The following ARHGAP15 variants were observed in gnomAD, a reference collection of about 807,000 sequenced individuals.
The protein encoded by ARHGAP15 is rho GTPase-activating protein 15.
Under a neutral mutation model 63.7 loss-of-function variants are expected in ARHGAP15, and 51 were observed. The observed-to-expected ratio is 0.80, with a 90% CI of 0.64 to 1.01. The LOEUF (loss-of-function observed/expected upper bound fraction) is 1.01, where lower values mean the gene tolerates loss of function less well. ARHGAP15 is among the 50% of genes least tolerant of loss of function. The pLI is 0.00. For missense variants in ARHGAP15, 560 were observed against 564.6 expected, an observed-to-expected ratio of 0.99 and a Z score of 0.08; for synonymous variants, 191 against 193.8, an observed-to-expected ratio of 0.99 and a Z score of 0.12.
chr2:143,309,870 G>GTA (rs575820690), intron 6 of ARHGAP15, among the ~76,000 whole-genome samples: 1 of 89,802 alleles, frequency 1.1e-5, no homozygotes, highest in Non-Finnish European at 3.4e-5. Context: ...ATGAACTTGT[G>GTA]TGTGTGTGTG....
At chr2:143,764,691 C>A (rs181302702) in intron 13 of ARHGAP15, among the ~76,000 whole-genome samples, 10 of 152,270 alleles carry the variant, frequency 6.6e-5, no homozygotes, top group African/African-American at 2.2e-4. Context: ...TGAGCTCTTT[C>A]ATCTCCCTTG....
chr2:143,758,331 A>G (rs1414599233), intron 13 of ARHGAP15, among the ~76,000 whole-genome samples: 1 of 151,750 alleles, frequency 6.6e-6, no homozygotes, highest in Non-Finnish European at 1.5e-5. Flanking sequence ...ATGAGTAGAA[A>G]AACATCCAGA....
intron 12 of ARHGAP15, among the ~76,000 whole-genome samples, chr2:143,652,612 AAC>A (rs1306629772): frequency 6.6e-6 from 1 of 152,074 alleles, no homozygotes; most frequent in Non-Finnish European, 1.5e-5. Flanking sequence ...AATTTTTCAC[AAC>A]AGTGTTTTAC....
At chr2:143,332,195 T>C (rs1684578738) in intron 6 of ARHGAP15, among the ~76,000 whole-genome samples, 1 of 152,278 alleles carries the variant, frequency 6.6e-6, no homozygotes, top group South Asian at 2.1e-4. Context: ...GAACTGGTTA[T>C]ACAAATACAT....
intron 2 of ARHGAP15, among the ~76,000 whole-genome samples, chr2:143,201,284 AT>A (rs201346309): frequency 6.4e-4 from 96 of 151,070 alleles, no homozygotes; most frequent in African/African-American, 2.2e-3. Context: ...TGCCTAGCTA[AT>A]TAAAAAAAAA....
At chr2:143,715,337 G>C (rs1387967796) in intron 13 of ARHGAP15, among the ~76,000 whole-genome samples, 1 of 152,100 alleles carries the variant, frequency 6.6e-6, no homozygotes, top group Non-Finnish European at 1.5e-5. Flanking sequence ...GGGAATTCTG[G>C]GAGATACAAC....
At chr2:143,647,379 A>C (rs76330735) in intron 12 of ARHGAP15, among the ~76,000 whole-genome samples, 1 of 151,296 alleles carries the variant, frequency 6.6e-6, no homozygotes, top group African/African-American at 2.4e-5. Context: ...AAAAAAAAGA[A>C]CATAAAAAAA....
At chr2:143,728,344 A>C (rs1002224686) in intron 13 of ARHGAP15, among the ~76,000 whole-genome samples, 1 of 152,062 alleles carries the variant, frequency 6.6e-6, no homozygotes, top group Non-Finnish European at 1.5e-5. Flanking sequence ...TTTTTAACTT[A>C]ATGACCTTTT....
At chr2:143,292,296 T>C (rs7606859) in intron 6 of ARHGAP15, among the ~76,000 whole-genome samples, 5,330 of 152,214 alleles carry the variant, frequency 0.035, 291 homozygotes, top group African/African-American at 0.12. Flanking sequence ...TTGCTGCTTT[T>C]TTTTAGTTAA....
At chr2:143,292,019 C>T (rs1281488151) in intron 6 of ARHGAP15, among the ~76,000 whole-genome samples, 5 of 152,068 alleles carry the variant, frequency 3.3e-5, no homozygotes, top group Non-Finnish European at 5.9e-5. Flanking sequence ...ACCTCTAACG[C>T]GATGGCTATT....
intron 10 of ARHGAP15, among the ~76,000 whole-genome samples, chr2:143,528,479 A>G (rs1002671477): frequency 3.3e-5 from 5 of 152,086 alleles, no homozygotes; most frequent in African/African-American, 9.7e-5. Flanking sequence ...TAAGAAATAT[A>G]TGGTCAATAC....
At chr2:143,267,213 C>A (rs1179419537) in intron 6 of ARHGAP15, among the ~76,000 whole-genome samples, 1 of 152,158 alleles carries the variant, frequency 6.6e-6, no homozygotes, top group Non-Finnish European at 1.5e-5. Flanking sequence ...CCTGCTCAAT[C>A]TAAATAAAGG....
chr2:143,151,153 C>T (rs1689799080), intron 1 of ARHGAP15, among the ~76,000 whole-genome samples: 1 of 151,950 alleles, frequency 6.6e-6, no homozygotes, highest in Non-Finnish European at 1.5e-5. Context: ...GAAGAACAAC[C>T]ACTCCTAGGT....
At chr2:143,141,448 A>G (rs1689359469) in intron 1 of ARHGAP15, among the ~76,000 whole-genome samples, 1 of 152,126 alleles carries the variant, frequency 6.6e-6, no homozygotes, top group South Asian at 2.1e-4. Context: ...CCCACAGTCA[A>G]TTTGGGCAGA....
At chr2:143,157,068 C>T (rs1690110688) in intron 2 of ARHGAP15, among the ~76,000 whole-genome samples, 1 of 151,910 alleles carries the variant, frequency 6.6e-6, no homozygotes, top group Non-Finnish European at 1.5e-5. Context: ...AGCATGAAAA[C>T]ATCACAGCAT....
At chr2:143,443,330 C>T (rs1689978711) in intron 8 of ARHGAP15, among the ~76,000 whole-genome samples, 1 of 151,876 alleles carries the variant, frequency 6.6e-6, no homozygotes, top group Non-Finnish European at 1.5e-5. Flanking sequence ...GAGCTCTTTC[C>T]TGGAAAAACA....
chr2:143,495,775 C>G (rs777300985), intron 9 of ARHGAP15, among the ~76,000 whole-genome samples: 6 of 152,092 alleles, frequency 3.9e-5, no homozygotes, highest in Non-Finnish European at 8.8e-5. Context: ...ACATAATTGT[C>G]ACACTGTTAA....
intron 6 of ARHGAP15, among the ~76,000 whole-genome samples, chr2:143,309,610 T>A (rs187989260): frequency 1.3e-5 from 2 of 152,192 alleles, no homozygotes; most frequent in East Asian, 3.9e-4. Context: ...ATACAAATAC[T>A]TGATATTTAT....
intron 13 of ARHGAP15, among the ~76,000 whole-genome samples, chr2:143,739,608 T>C (rs1685882825): frequency 6.6e-6 from 1 of 152,174 alleles, no homozygotes. Flanking sequence ...AGGGTTGATA[T>C]TTTCTTGAGG....
Sources: allele counts gnomAD v4.1 joint callset (sites outside exome capture counted in the v4.1 genomes callset), GRCh38; gene constraint gnomAD v4.1.1; transcripts MANE v1.5; gene names NCBI Gene and HGNC (gene_info 2026-07-23, HGNC 2026-07-21).